PXN: variants seen among roughly 807,000 people sequenced by gnomAD.
PXN encodes testicular tissue protein Li 134.
PXN carries 61 observed loss-of-function variants against 103.6 expected under a neutral mutation model. The ratio of observed to expected loss-of-function variants is 0.59; its 90% CI spans 0.48 to 0.73. The LOEUF is 0.73. Ranked by LOEUF, PXN falls within the 30% of genes least tolerant of loss-of-function variation. The probability of loss-of-function intolerance (pLI) is 0.00; values close to 1 mark genes in which losing one functional copy is unlikely to be tolerated. For missense variants in PXN, 1,274 were observed against 1,460.3 expected, an observed-to-expected ratio of 0.87 and a Z score of 2.08; for synonymous variants, 562 against 607.8, an observed-to-expected ratio of 0.92 and a Z score of 1.11.
chr12:120,226,345 A>G (rs770103929), intron 1 of PXN: 1 of 1,289,228 alleles, frequency 7.8e-7, no homozygotes, highest in South Asian at 1.2e-5. Context: ...TGGGGCCAGG[A>G]GCTTCACCTT....
At chr12:120,226,030 T>C (rs1465841050) in intron 1 of PXN, 1 of 1,073,522 alleles carries the variant, frequency 9.3e-7, no homozygotes, top group Non-Finnish European at 1.1e-6. Context: ...CCGGGTCCCA[T>C]GGAGGAGGCC....
At position 120,212,546 on chromosome 12, in the gene PXN, A is replaced by G; in HGVS notation, c.3014T>C (p.Phe1005Ser). Residue 1005 changes from phenylalanine to serine, a missense_variant, in exon 15 of 15, where the codon TTC (phenylalanine) becomes TCC (serine). Around this residue, in one of 2 missense-constraint regions of PXN, gnomAD observed 96 missense variants for 151.3 expected, o/e 0.63. Coordinates refer to ENST00000637617, the MANE Select transcript of PXN (RefSeq NM_001385981.1). The surrounding 1 kb of genome is among the most constrained non-coding windows in gnomAD (Gnocchi z 7.2). Reference protein sequence around the residue: ...CFTPFVNGSFFEHDGQPYCEV... With the variant: ...CFTPFVNGSFSEHDGQPYCEV... Reference sequence around the variant, plus strand: ...ACAGTAGGGCTGCCCGTCGTGCTCGAAGAAGCTGCCGTTCACGAATGGCGT... The same window carrying G: ...ACAGTAGGGCTGCCCGTCGTGCTCGGAGAAGCTGCCGTTCACGAATGGCGT... The G allele has an allele frequency of 6.2e-7, 1 of 1,613,390 alleles. No individual in the cohort carries two copies. Among genetic ancestry groups the G allele is most frequent in the Non-Finnish European group, 8.5e-7 (1 of 1,179,588 alleles).
chr12:120,224,219 GGGCCTCGCT>G lies in PXN; in HGVS notation c.163_171del (p.Ser55_Ala57del). ...AAGGGGTCAAGGATTGTGCCATTGA[GGGCCTCGCT>G]GGACGGGGGTGGGGGGACGGGGGGT... On this transcript the variant is annotated inframe_deletion, in exon 2 of 15. Transcript: ENST00000637617. This position sits in a 1 kb window ranked among gnomAD's most constrained non-coding sequence, Gnocchi z 5.0. 6.2e-7 allele frequency: 1 copy of G among 1,612,572 alleles called. No individual in the cohort carries two copies. Among genetic ancestry groups the G allele is most frequent in the South Asian group, 1.1e-5 (1 of 90,912 alleles).
chr12:120,213,765 G>T lies in PXN; in HGVS notation c.2979+77C>A. Reference sequence around the variant, plus strand: ...AAATGAGGCCTCTGAGTTGGATCCAGACAGCACAATGAGGAAGACCCCTCT... The same window carrying T: ...AAATGAGGCCTCTGAGTTGGATCCATACAGCACAATGAGGAAGACCCCTCT... On this transcript the variant is annotated intron_variant, in intron 14 of 14. Coordinates refer to ENST00000637617, the MANE Select transcript of PXN (RefSeq NM_001385981.1). This position sits in a 1 kb window ranked among gnomAD's most constrained non-coding sequence, Gnocchi z 4.2. 1 of 1,534,744 alleles carries T rather than the reference G, an allele frequency of 6.5e-7. No individual in the cohort carries two copies. Among genetic ancestry groups the T allele is most frequent in the South Asian group, 1.2e-5 (1 of 83,402 alleles).
chr12:120,226,585 G>C, intron 1 of PXN: 1 of 1,194,682 alleles, frequency 8.4e-7, no homozygotes, highest in Non-Finnish European at 1.1e-6. Flanking sequence ...GTGATTCTAA[G>C]CCTGGGCTTT....
chr12:120,253,266 A>C (rs895242533), intron 1 of PXN, among the ~76,000 whole-genome samples: 1 of 152,130 alleles, frequency 6.6e-6, no homozygotes, highest in Non-Finnish European at 1.5e-5. Flanking sequence ...TGAGGTCAGG[A>C]GTTTGAGACT....
chr12:120,244,038 C>T (rs1890615279), intron 1 of PXN, among the ~76,000 whole-genome samples: 1 of 151,776 alleles, frequency 6.6e-6, no homozygotes, highest in Admixed American at 6.6e-5. Flanking sequence ...CTTGCCACTT[C>T]AGCTCATGCC....
intron 1 of PXN, among the ~76,000 whole-genome samples, chr12:120,230,690 A>G (rs1258763224): frequency 2.1e-5 from 3 of 146,150 alleles, no homozygotes; most frequent in Non-Finnish European, 4.5e-5. Context: ...CAGTTAGAGC[A>G]GAGGTAATCT....
chr12:120,212,883 T>C lies in PXN; in HGVS notation c.2980-303A>G. The C allele has an allele frequency of 3.5e-6, 1 of 285,908 alleles. No homozygotes were observed. The highest frequency in any genetic ancestry group is 2.2e-5 in the African/African-American group (1 of 45,556). The allele number at this position is 285,908 out of a possible 1,614,324, so 17.7% of individuals were successfully genotyped here. The stretch of plus-strand genomic sequence containing the variant: ...TAGTTCTCCCAACAGGGGAGGCAAC[T>C]GAAGCACACAGGTGAAGTAACTTGC... On this transcript the variant is annotated intron_variant, in intron 14 of 14. Transcript: ENST00000637617. The surrounding 1 kb of genome is among the most constrained non-coding windows in gnomAD (Gnocchi z 7.2).
intron 1 of PXN, among the ~76,000 whole-genome samples, chr12:120,259,553 T>C (rs1893539190): frequency 6.6e-6 from 1 of 152,164 alleles, no homozygotes; most frequent in South Asian, 2.1e-4. Context: ...TAAGGGAAGA[T>C]TTGGCCACTG....
rs1378023420 is a variant in PXN at position 120,211,606 on chromosome 12, A to G, written c.*708T>C. The G allele has an allele frequency of 4.2e-6, 1 of 237,626 alleles. No individual in the cohort carries two copies. The highest frequency in any genetic ancestry group is 9.4e-5 in the East Asian group (1 of 10,614). 14.7% of individuals were successfully genotyped at this position (237,626 alleles called of 1,614,324 possible). A position where few individuals can be genotyped will look rare whatever the true frequency, so the allele number is the denominator to read the frequency against. On this transcript the variant is annotated 3_prime_UTR_variant, in exon 15 of 15. Transcript: ENST00000637617. ...AATTCAAACCTCAGTGTAGAAATCTATCAAAGTCGGTACAGTGTCCAGGCA... is the reference window on the plus strand; with the variant it reads ...AATTCAAACCTCAGTGTAGAAATCTGTCAAAGTCGGTACAGTGTCCAGGCA...
chr12:120,258,748 T>C (rs1893407435), intron 1 of PXN, among the ~76,000 whole-genome samples: 1 of 152,182 alleles, frequency 6.6e-6, no homozygotes, highest in South Asian at 2.1e-4. Flanking sequence ...GTATATCCTT[T>C]TTTTCATTAT....
Position 120,220,146 on chromosome 12 carries a change from G to C in PXN, c.832-55C>G. 2 of 729,368 alleles carry C rather than the reference G, an allele frequency of 2.7e-6. No homozygotes were observed. The highest frequency in any genetic ancestry group is 2.2e-6 in the Non-Finnish European group (1 of 459,022). 45.2% of individuals were successfully genotyped at this position (729,368 alleles called of 1,614,324 possible). A position where few individuals can be genotyped will look rare whatever the true frequency, so the allele number is the denominator to read the frequency against. ...GGAGAGAGAGAGATGAGGGGAGTGA[G>C]GACGGCTGCACCTTGCAGGCGGTGG... On this transcript the variant is annotated intron_variant, in intron 6 of 14. Coordinates refer to ENST00000637617, the MANE Select transcript of PXN (RefSeq NM_001385981.1). The surrounding 1 kb of genome is among the most constrained non-coding windows in gnomAD (Gnocchi z 6.1).
At position 120,224,767 on chromosome 12, in the gene PXN, A is replaced by G; in HGVS notation, c.14-390T>C. Reference sequence around the variant, plus strand: ...GGAGAGAATGGGCGGGAGGGGCCCCACGTCACAGGGAGGGGCCCTGGCTAT... The same window carrying G: ...GGAGAGAATGGGCGGGAGGGGCCCCGCGTCACAGGGAGGGGCCCTGGCTAT... On this transcript the variant is annotated intron_variant, in intron 1 of 14. Transcript: ENST00000637617. This position sits in a 1 kb window ranked among gnomAD's most constrained non-coding sequence, Gnocchi z 5.0. The G allele has an allele frequency of 2.1e-6, 1 of 480,994 alleles. No individual in the cohort carries two copies. 29.8% of individuals were successfully genotyped at this position (480,994 alleles called of 1,614,324 possible). A position where few individuals can be genotyped will look rare whatever the true frequency, so the allele number is the denominator to read the frequency against.
intron 1 of PXN, among the ~76,000 whole-genome samples, chr12:120,244,046 G>T (rs999904462): frequency 5.9e-5 from 9 of 151,624 alleles, no homozygotes; most frequent in Non-Finnish European, 1.2e-4. Context: ...TTCAGCTCAT[G>T]CCACCTCCTG....
rs1323764075 is a variant in PXN at position 120,228,441 on chromosome 12, T to G, written c.14-4064A>C. On this transcript the variant is annotated intron_variant, in intron 1 of 14. Transcript: ENST00000637617. The surrounding 1 kb of genome is among the most constrained non-coding windows in gnomAD (Gnocchi z 4.7). ...TAGGTGCAAAGTCCCCAGCGAGCCA[T>G]GGGCAAAGGCCACGGAGCTATGTCC... is the stretch of plus-strand genomic sequence containing the variant. Among the ~76,000 whole-genome samples, 1 of 152,294 alleles carries G rather than the reference T, an allele frequency of 6.6e-6. No individual in the cohort carries two copies. Among genetic ancestry groups the G allele is most frequent in the Middle Eastern group, 3.4e-3 (1 of 294 alleles).
chr12:120,233,504 C>G (rs966339017), intron 1 of PXN, among the ~76,000 whole-genome samples: 2 of 152,140 alleles, frequency 1.3e-5, no homozygotes, highest in East Asian at 3.9e-4. Context: ...CGAAGTTTCA[C>G]ATTGTTGGAC....
rs759842004 is a variant in PXN, at chr12:120,215,998, T to C, written c.2301+275A>G. ...GGTCTCCCTTCTGGAGTGGCTTCTTTCCTCGATGGGAGCCCGGGGCAGTAC... is the reference window on the plus strand; with the variant it reads ...GGTCTCCCTTCTGGAGTGGCTTCTTCCCTCGATGGGAGCCCGGGGCAGTAC... On this transcript the variant is annotated intron_variant, in intron 9 of 14. Transcript: ENST00000637617. This position sits in a 1 kb window ranked among gnomAD's most constrained non-coding sequence, Gnocchi z 4.9. 2 of 1,355,666 alleles carry C rather than the reference T, an allele frequency of 1.5e-6. No homozygotes were observed. Among genetic ancestry groups the C allele is most frequent in the Admixed American group, 6.1e-5 (2 of 32,938 alleles). 84.0% of individuals were successfully genotyped at this position (1,355,666 alleles called of 1,614,324 possible). A position where few individuals can be genotyped will look rare whatever the true frequency, so the allele number is the denominator to read the frequency against.
rs1409889297 is a variant in PXN at position 120,265,634 on chromosome 12, G to A, written c.-5C>T. ...TCACTCACCGAGGTCGTCCATGGCC[G>A]GACCACGGGCGCCGGCTCAGGGTCG... On this transcript the variant is annotated 5_prime_UTR_variant, in exon 1 of 15. Transcript: ENST00000637617. This position sits in a 1 kb window ranked among gnomAD's most constrained non-coding sequence, Gnocchi z 5.7. 6.8e-7 allele frequency: 1 copy of A among 1,477,066 alleles called. No homozygotes were observed. The allele number at this position is 1,477,066 out of a possible 1,614,324, so 91.5% of individuals were successfully genotyped here. A position where few individuals can be genotyped will look rare whatever the true frequency, so the allele number is the denominator to read the frequency against.
Sources: gnomAD v4.1 joint callset for allele counts (sites outside exome capture counted in the v4.1 genomes callset) on GRCh38, gnomAD v4.1.1 for gene constraint, gnomAD v4.1.1 regional missense constraint, Gnocchi (gnomAD v3.1) non-coding constraint, MANE v1.5 for transcripts, NCBI Gene and HGNC (gene_info 2026-07-23, HGNC 2026-07-21) for gene names.